The following VOPP1 variants were observed in gnomAD, a reference collection of about 807,000 sequenced individuals.
The protein encoded by VOPP1 is WW domain binding protein VOPP1.
Under a neutral mutation model 23.5 loss-of-function variants are expected in VOPP1, and 8 were observed. That is an observed-to-expected ratio of 0.34 (90% CI 0.20 to 0.61). The LOEUF (loss-of-function observed/expected upper bound fraction) is 0.61, where lower values mean the gene tolerates loss of function less well. VOPP1 is among the 20% of genes least tolerant of loss of function. VOPP1 has a pLI of 0.78. For missense variants in VOPP1, 174 were observed against 238.1 expected (o/e 0.73, Z 1.77); for synonymous variants, 83 against 97.3 (o/e 0.85, Z 0.86).
chr7:55,490,313 G>GA (rs967054090), intron 4 of VOPP1, among the ~76,000 whole-genome samples: 1 of 152,142 alleles, frequency 6.6e-6, no homozygotes, highest in African/African-American at 2.4e-5. Context: ...GGTTGCTGGG[G>GA]ATTCTCCCAG....
chr7:55,497,526 G>A, intron 3 of VOPP1, 87 bp downstream of exon 3: 1 of 1,252,928 alleles, frequency 8.0e-7, no homozygotes, highest in Non-Finnish European at 1.2e-6. Flanking sequence ...AAGTGAAGGT[G>A]TCGCATCCAA....
At chr7:55,532,657 G>C (rs939050943) in intron 1 of VOPP1, among the ~76,000 whole-genome samples, 11 of 135,756 alleles carry the variant, frequency 8.1e-5, no homozygotes, top group African/African-American at 1.1e-4. Context: ...TGATACCCTG[G>C]TGTGGAAAAA....
intron 2 of VOPP1, among the ~76,000 whole-genome samples, chr7:55,499,612 G>A (rs1210354756): frequency 6.6e-6 from 1 of 152,232 alleles, no homozygotes; most frequent in Non-Finnish European, 1.5e-5. Flanking sequence ...GAAAAATGGA[G>A]CCGGCACCGG....
At chr7:55,474,100 G>T (rs1792053448) in intron 4 of VOPP1, among the ~76,000 whole-genome samples, 1 of 152,188 alleles carries the variant, frequency 6.6e-6, no homozygotes, top group Non-Finnish European at 1.5e-5. Flanking sequence ...CTCACTGAGC[G>T]CTCTCAACTG....
downstream of VOPP1, among the ~76,000 whole-genome samples, chr7:55,435,258 G>A (rs893977312): frequency 1.2e-4 from 18 of 152,298 alleles, no homozygotes; most frequent in South Asian, 4.1e-4. Context: ...TTTCATTACC[G>A]CTTCAAAGCG....
intron 1 of VOPP1, among the ~76,000 whole-genome samples, chr7:55,545,295 TAGG>T (rs1329549851): frequency 6.6e-6 from 1 of 152,190 alleles, no homozygotes; most frequent in Non-Finnish European, 1.5e-5. Flanking sequence ...GAGACCACGC[TAGG>T]AGAAGAAAAC....
intron 4 of VOPP1, among the ~76,000 whole-genome samples, chr7:55,474,083 ACTG>A (rs2129008335): frequency 1.3e-5 from 2 of 152,338 alleles, no homozygotes; most frequent in South Asian, 4.1e-4. Context: ...CCAGGCCTGC[ACTG>A]TCTCTCACTG....
chr7:55,448,520 T>C (rs1324478210), intron 4 of VOPP1, among the ~76,000 whole-genome samples: 1 of 151,534 alleles, frequency 6.6e-6, no homozygotes, highest in Non-Finnish European at 1.5e-5. Context: ...ACAATAAAGG[T>C]TGATTTTTCG....
At chr7:55,480,967 TA>T (rs1406990126) in intron 4 of VOPP1, among the ~76,000 whole-genome samples, 4 of 151,938 alleles carry the variant, frequency 2.6e-5, no homozygotes, top group Non-Finnish European at 5.9e-5. Flanking sequence ...AAGATGAAAA[TA>T]AAGCAGGAAA....
chr7:55,491,736 C>G (rs949982424), intron 4 of VOPP1, among the ~76,000 whole-genome samples: 2 of 152,222 alleles, frequency 1.3e-5, no homozygotes, highest in Non-Finnish European at 2.9e-5. Flanking sequence ...ATGCACTAAA[C>G]AGACTACATG....
intron 1 of VOPP1, among the ~76,000 whole-genome samples, chr7:55,538,046 C>T (rs576345385): frequency 4.1e-4 from 62 of 152,310 alleles, no homozygotes; most frequent in South Asian, 1.7e-3. Flanking sequence ...CAGCCTGGCC[C>T]GACCACACTA....
intron 1 of VOPP1, among the ~76,000 whole-genome samples, chr7:55,525,794 A>T (rs1234250126): frequency 0.17 from 22,845 of 136,338 alleles, 2,312 homozygotes; most frequent in African/African-American, 0.27. Flanking sequence ...CTCTCTAAAA[A>T]AAAAAAAAAA....
At chr7:55,501,496 T>TC (rs1157898604) in intron 2 of VOPP1, among the ~76,000 whole-genome samples, 9 of 152,224 alleles carry the variant, frequency 5.9e-5, no homozygotes, top group Non-Finnish European at 2.9e-5. Context: ...GGCTCAGGTC[T>TC]CCCTGACTGT....
intron 1 of VOPP1, chr7:55,553,670 GCTTC>G (rs1277859311): frequency 6.6e-6 from 1 of 150,538 alleles, no homozygotes; most frequent in African/African-American, 2.5e-5. Flanking sequence ...CACCACGACT[GCTTC>G]CTTCCATCAC....
chr7:55,547,085 G>A (rs1797397191), intron 1 of VOPP1, among the ~76,000 whole-genome samples: 1 of 152,246 alleles, frequency 6.6e-6, no homozygotes. Flanking sequence ...CTGGATTTTA[G>A]CAGCCCCAGG....
At chr7:55,491,041 A>G (rs778023310) in intron 4 of VOPP1, among the ~76,000 whole-genome samples, 2 of 152,234 alleles carry the variant, frequency 1.3e-5, no homozygotes, top group Non-Finnish European at 2.9e-5. Context: ...CTTCTCTCCT[A>G]TTTAAAAACC....
Position 55,452,099 on chromosome 7 carries a change from A to G in VOPP1, n.418-15925T>C, listed in dbSNP as rs546798351. 2.6e-5 allele frequency among the ~76,000 whole-genome samples: 4 copies of G among 152,268 alleles called. No individual in the cohort carries two copies. The South Asian group carries it at 6.2e-4, about 24-fold the overall frequency. ...GTTAAACCTCTCAAACCCTGCCACTACTTTACCAACTAAGTTTATGATATA... is the reference window on the plus strand; with the variant it reads ...GTTAAACCTCTCAAACCCTGCCACTGCTTTACCAACTAAGTTTATGATATA... On this transcript the variant is annotated intron_variant and non_coding_transcript_variant, in intron 4 of 4. Transcript: ENST00000462326.
chr7:55,507,181 A>T (rs897425453), intron 2 of VOPP1, among the ~76,000 whole-genome samples: 1 of 152,188 alleles, frequency 6.6e-6, no homozygotes, highest in Non-Finnish European at 1.5e-5. Flanking sequence ...AGTGCTGTGG[A>T]AAGTAGTGGC....
chr7:55,494,370 G>A (rs939047151), intron 3 of VOPP1, among the ~76,000 whole-genome samples: 4 of 152,202 alleles, frequency 2.6e-5, no homozygotes, highest in Admixed American at 2.6e-4. Context: ...CCACTTCCAA[G>A]AGACCAGGCT....
Sources: gnomAD v4.1 joint callset for allele counts (sites outside exome capture counted in the v4.1 genomes callset) on GRCh38, gnomAD v4.1.1 for gene constraint, MANE v1.5 for transcripts, NCBI Gene and HGNC (gene_info 2026-07-23, HGNC 2026-07-21) for gene names.